Variants in RGS21 observed in about 807,000 individuals in gnomAD.
RGS21 encodes the protein regulator of G protein signaling 21, also known as regulator of G-protein signalling 21.
RGS21 carries 19 observed loss-of-function variants against 18.7 expected under a neutral mutation model. The ratio of observed to expected loss-of-function variants is 1.01; its 90% CI spans 0.71 to 1.49. The LOEUF (loss-of-function observed/expected upper bound fraction) is 1.49, where lower values mean the gene tolerates loss of function less well. RGS21 is among the 40% of genes most tolerant of loss of function. RGS21 has a pLI of 0.00. For missense variants in RGS21, 194 were observed against 176.8 expected, an observed-to-expected ratio of 1.10 and a Z score of -0.55; for synonymous variants, 56 against 57.8, an observed-to-expected ratio of 0.97 and a Z score of 0.14.
chr1:192,341,973 A>T (rs2102229557), intron 1 of RGS21, among the ~76,000 whole-genome samples: 1 of 152,164 alleles, frequency 6.6e-6, no homozygotes, highest in Non-Finnish European at 1.5e-5. Flanking sequence ...GATCGTGCTG[A>T]TTGATGATTT....
intron 1 of RGS21, among the ~76,000 whole-genome samples, chr1:192,331,515 C>T (rs1169257272): frequency 6.6e-6 from 1 of 151,282 alleles, no homozygotes; most frequent in Non-Finnish European, 1.5e-5. Context: ...CCACTGCACT[C>T]CAGCCTGGTG....
intron 4 of RGS21, among the ~76,000 whole-genome samples, chr1:192,353,999 T>C (rs1002160748): frequency 5.9e-5 from 9 of 151,678 alleles, no homozygotes; most frequent in African/African-American, 1.9e-4. Context: ...AAATACTTAT[T>C]CTGTTTCCTA....
chr1:192,345,535 G>C (rs919606732), intron 2 of RGS21, among the ~76,000 whole-genome samples: 3 of 151,952 alleles, frequency 2.0e-5, no homozygotes, highest in African/African-American at 7.2e-5. Flanking sequence ...ACTGTTCTTG[G>C]TGCTAGAAAA....
intron 1 of RGS21, among the ~76,000 whole-genome samples, chr1:192,333,628 CAAAAAAAAAAAAAAA>C (rs376989840): frequency 3.9e-5 from 4 of 102,392 alleles, no homozygotes; most frequent in Non-Finnish European, 4.0e-5. Flanking sequence ...CTCAAAATGA[CAAAAAAAAAAAAAAA>C]AAAAAAAAAA....
chr1:192,363,565 T>TC (rs1659216342), intron 4 of RGS21, among the ~76,000 whole-genome samples: 1 of 152,146 alleles, frequency 6.6e-6, no homozygotes, highest in Non-Finnish European at 1.5e-5. Context: ...CACTATTGAT[T>TC]CCCACTATGA....
rs567343168 is a variant in RGS21, at chr1:192,332,951, TA to T, written c.-60-10017del. ...AAAGTCTCAAAAAAATTTTTTTAAATAAAAAAAAACCTCAACTGTTAAAAAA... is the reference window on the plus strand; with the variant it reads ...AAAGTCTCAAAAAAATTTTTTTAAATAAAAAAAACCTCAACTGTTAAAAAA... On this transcript the variant is annotated intron_variant, in intron 1 of 4. Coordinates refer to ENST00000417209, the MANE Select transcript of RGS21 (RefSeq NM_001039152.3). Among the ~76,000 whole-genome samples the T allele has an allele frequency of 2.1e-4, 31 of 145,364 alleles. 1 individual carries two copies. The highest frequency in any genetic ancestry group is 8.7e-4 in the South Asian group (4 of 4,608).
At chr1:192,351,118 A>T (rs1659035062) in intron 3 of RGS21, among the ~76,000 whole-genome samples, 2 of 152,104 alleles carry the variant, frequency 1.3e-5, no homozygotes. Context: ...CATGCTAAGG[A>T]TAATACCTGG....
intron 1 of RGS21, among the ~76,000 whole-genome samples, chr1:192,337,413 T>G (rs967222036): frequency 6.6e-6 from 1 of 151,994 alleles, no homozygotes; most frequent in African/African-American, 2.4e-5. Flanking sequence ...TTTTATTAAA[T>G]AAAAAATATT....
intron 1 of RGS21, among the ~76,000 whole-genome samples, chr1:192,321,737 G>C (rs1171421251): frequency 6.6e-6 from 1 of 151,890 alleles, no homozygotes; most frequent in Non-Finnish European, 1.5e-5. Flanking sequence ...TCATGAATCT[G>C]ACATACTCAC....
At chr1:192,323,750 G>C (rs886207645) in intron 1 of RGS21, among the ~76,000 whole-genome samples, 1 of 152,024 alleles carries the variant, frequency 6.6e-6, no homozygotes, top group Admixed American at 6.6e-5. Context: ...CAGCCTGAAA[G>C]TGATGTGGAT....
rs1212605213 is a variant in RGS21, at chr1:192,343,047, A to G, written c.11A>G (p.Lys4Arg). The change falls in exon 2 of 5, where the codon AAA (lysine) becomes AGA (arginine). Residue 4 changes from lysine (K) to arginine (R), a missense_variant and splice_region_variant. Transcript: ENST00000417209. MPV[K>R]CCFYRSPTAE... ...ACAGTGGAACGAAAAATGCCAGTGA[A>G]GTGAGTTGCCGTTTCCAGCTATTTT... 6.8e-6 allele frequency: 11 copies of G among 1,612,636 alleles called. No individual in the cohort carries two copies. The highest frequency in any genetic ancestry group is 6.7e-5 in the East Asian group (3 of 44,830).
intron 1 of RGS21, among the ~76,000 whole-genome samples, chr1:192,318,318 T>TA (rs1331623690): frequency 6.6e-6 from 1 of 152,136 alleles, no homozygotes; most frequent in Non-Finnish European, 1.5e-5. Flanking sequence ...TTACTTCTGC[T>TA]AATTGCCTCT....
At chr1:192,347,621 A>C (rs1279248545) in intron 3 of RGS21, among the ~76,000 whole-genome samples, 1 of 152,072 alleles carries the variant, frequency 6.6e-6, no homozygotes, top group East Asian at 1.9e-4. Flanking sequence ...CTAGCAAGTG[A>C]AATTTTCCAT....
intron 1 of RGS21, among the ~76,000 whole-genome samples, chr1:192,326,664 T>TA (rs1658572340): frequency 6.6e-6 from 1 of 152,166 alleles, no homozygotes; most frequent in Admixed American, 6.6e-5. Context: ...CACACAATGA[T>TA]AGAGTCCTGT....
chr1:192,342,845 T>A, intron 1 of RGS21, 132 bp from the exon 2 acceptor site: 1 of 545,972 alleles, frequency 1.8e-6, no homozygotes, highest in Non-Finnish European at 3.4e-6. Flanking sequence ...TTTAAGTGTT[T>A]TGACCAATGA....
chr1:192,352,044 T>C lies in RGS21; in HGVS notation c.89-3T>C, dbSNP rs1318977071. 6.4e-7 allele frequency: 1 copy of C among 1,566,396 alleles called. No homozygotes were observed. Among genetic ancestry groups the C allele is most frequent in the East Asian group, 2.3e-5 (1 of 44,194 alleles). ...ACAAAACTTTTTCTCATATATTTTA[T>C]AGCTGGTCTAGATGCTTTTCGAATA... On this transcript the variant is annotated splice_polypyrimidine_tract_variant and splice_region_variant and intron_variant, in intron 3 of 4. Transcript: ENST00000417209.
At chr1:192,342,001 C>T (rs1440999240) in intron 1 of RGS21, among the ~76,000 whole-genome samples, 1 of 151,934 alleles carries the variant, frequency 6.6e-6, no homozygotes, top group African/African-American at 2.4e-5. Context: ...TAATGATACA[C>T]CGACTTTTTA....
intron 3 of RGS21, among the ~76,000 whole-genome samples, chr1:192,349,965 T>C (rs1204618278): frequency 6.6e-6 from 1 of 152,190 alleles, no homozygotes; most frequent in Non-Finnish European, 1.5e-5. Flanking sequence ...AACACTTTAT[T>C]CTCTCTATAA....
intron 4 of RGS21, 41 bp from the exon 5 acceptor site, chr1:192,365,880 G>A (rs1659251487): frequency 8.9e-7 from 1 of 1,118,276 alleles, no homozygotes; most frequent in African/African-American, 1.6e-5. Context: ...TACATTCTTT[G>A]ATTAAACTAA....
Sources: gnomAD v4.1 joint callset for allele counts (sites outside exome capture counted in the v4.1 genomes callset) on GRCh38, gnomAD v4.1.1 for gene constraint, MANE v1.5 for transcripts, NCBI Gene and HGNC (gene_info 2026-07-23, HGNC 2026-07-21) for gene names.